Variants in PLEKHG1 observed in about 807,000 individuals in gnomAD.
PLEKHG1 encodes pleckstrin homology and RhoGEF domain containing G1, also known as pleckstrin homology domain-containing family G member 1.
PLEKHG1 carries 44 observed loss-of-function variants against 100.8 expected under a neutral mutation model. The ratio of observed to expected loss-of-function variants is 0.44; its 90% CI spans 0.34 to 0.56. The LOEUF (loss-of-function observed/expected upper bound fraction) is 0.56, where lower values mean the gene tolerates loss of function less well. Among genes scored for constraint, PLEKHG1 ranks in the 20% least tolerant of loss-of-function variants. The probability of loss-of-function intolerance (pLI) is 0.01; values close to 1 mark genes in which losing one functional copy is unlikely to be tolerated. For synonymous variants in PLEKHG1, 640 were observed against 662.5 expected, an observed-to-expected ratio of 0.97 and a Z score of 0.52; for missense variants, 1,545 against 1,720.9, an observed-to-expected ratio of 0.90 and a Z score of 1.81.
intron 3 of PLEKHG1, among the ~76,000 whole-genome samples, chr6:150,698,499 T>TATATATACAC (rs66635945): frequency 1.3e-5 from 2 of 151,788 alleles, no homozygotes; most frequent in Non-Finnish European, 2.9e-5. Context: ...ATACTATATA[T>TATATATACAC]ACACACACAC....
At chr6:150,786,626 G>A (rs1467469317) in intron 4 of PLEKHG1, among the ~76,000 whole-genome samples, 167 bp downstream of exon 5, 1 of 152,110 alleles carries the variant, frequency 6.6e-6, no homozygotes, top group African/African-American at 2.4e-5. Flanking sequence ...CTGGAGCCAG[G>A]GAGATGCTAA....
chr6:150,810,048 C>T (rs1787398254), intron 10 of PLEKHG1, among the ~76,000 whole-genome samples: 1 of 152,070 alleles, frequency 6.6e-6, no homozygotes, highest in African/African-American at 2.4e-5. Context: ...GTAATCCCAG[C>T]ACGTTGGGAG....
intron 3 of PLEKHG1, among the ~76,000 whole-genome samples, chr6:150,657,993 TAAG>T (rs896716535): frequency 2.6e-5 from 4 of 152,242 alleles, no homozygotes; most frequent in Non-Finnish European, 4.4e-5. Context: ...TCCCCAAGCT[TAAG>T]AAGTCAATAA....
At chr6:150,785,307 T>G (rs1785557626) in intron 3 of PLEKHG1, among the ~76,000 whole-genome samples, 1 of 152,184 alleles carries the variant, frequency 6.6e-6, no homozygotes, top group Non-Finnish European at 1.5e-5. Flanking sequence ...TTTTATTAAA[T>G]ATATAGCATA....
chr6:150,696,457 C>T (rs1275891949), intron 3 of PLEKHG1, among the ~76,000 whole-genome samples: 1 of 152,184 alleles, frequency 6.6e-6, no homozygotes, highest in Admixed American at 6.5e-5. Context: ...GCATTAAACA[C>T]TGTGAATATC....
chr6:150,701,832 A>T (rs1176444397), intron 3 of PLEKHG1, among the ~76,000 whole-genome samples: 1 of 152,108 alleles, frequency 6.6e-6, no homozygotes, highest in Admixed American at 6.5e-5. Context: ...GTCTATCCAT[A>T]ATAGGAAGTA....
intron 15 of PLEKHG1, among the ~76,000 whole-genome samples, chr6:150,838,035 C>T (rs1022751029): frequency 6.6e-6 from 1 of 152,076 alleles, no homozygotes; most frequent in African/African-American, 2.4e-5. Flanking sequence ...ATTGGGGTTG[C>T]AATTAAAGGT....
intron 1 of PLEKHG1, among the ~76,000 whole-genome samples, chr6:150,622,513 C>T (rs1211071825): frequency 3.3e-5 from 5 of 152,182 alleles, no homozygotes; most frequent in Non-Finnish European, 5.9e-5. Context: ...CCCCACCCTA[C>T]CACTGTTCTG....
At chr6:150,735,781 C>T (rs995695434) in intron 2 of PLEKHG1, among the ~76,000 whole-genome samples, 2 of 152,106 alleles carry the variant, frequency 1.3e-5, no homozygotes, top group African/African-American at 4.8e-5. Flanking sequence ...AACTAGTCTA[C>T]CTAATCTAAA....
chr6:150,781,378 G>A (rs1203877419), intron 3 of PLEKHG1, among the ~76,000 whole-genome samples: 1 of 151,512 alleles, frequency 6.6e-6, no homozygotes, highest in Non-Finnish European at 1.5e-5. Flanking sequence ...GGTGGCACAT[G>A]CCTGTAATCC....
chr6:150,805,795 G>A (rs2002561), intron 7 of PLEKHG1, among the ~76,000 whole-genome samples: 8,357 of 152,144 alleles, frequency 0.055, 397 homozygotes, highest in African/African-American at 0.13. Flanking sequence ...CCAAAGTGCT[G>A]GGATTACAGA....
At chr6:150,839,757 G>A in intron 15 of PLEKHG1, 76 bp from the exon 17 acceptor site, 2 of 935,952 alleles carry the variant, frequency 2.1e-6, no homozygotes, top group Non-Finnish European at 3.3e-6. Context: ...TGGTTAGAAT[G>A]TTATTCTCTT....
Position 150,600,064 on chromosome 6 carries a change from G to A in PLEKHG1, c.-204+47G>A. ...ACGCCCTGGGGACTTTTCCAGGGAT[G>A]GGAGGGGGGACCCGGGGACCTCCGG... On this transcript the variant is annotated intron_variant, in intron 1 of 3. Transcript: ENST00000367326. The surrounding 1 kb of genome is among the most constrained non-coding windows in gnomAD (Gnocchi z 6.2). 5.3e-6 allele frequency: 1 copy of A among 187,376 alleles called. No homozygotes were observed. Among genetic ancestry groups the A allele is most frequent in the South Asian group, 6.0e-5 (1 of 16,760 alleles). The allele number at this position is 187,376 out of a possible 1,614,324, so 11.6% of individuals were successfully genotyped here. A position where few individuals can be genotyped will look rare whatever the true frequency, so the allele number is the denominator to read the frequency against.
At chr6:150,699,440 A>G (rs1158212412) in intron 3 of PLEKHG1, among the ~76,000 whole-genome samples, 2 of 152,176 alleles carry the variant, frequency 1.3e-5, no homozygotes, top group Non-Finnish European at 2.9e-5. Flanking sequence ...GTGCTCCTTG[A>G]GTGCCATTGT....
At chr6:150,691,476 A>C (rs535290284) in intron 3 of PLEKHG1, among the ~76,000 whole-genome samples, 1 of 152,316 alleles carries the variant, frequency 6.6e-6, no homozygotes, top group East Asian at 1.9e-4. Context: ...CAGATACTTA[A>C]GTTATTATTG....
At chr6:150,736,537 G>C (rs1782571414) in intron 2 of PLEKHG1, among the ~76,000 whole-genome samples, 1 of 152,224 alleles carries the variant, frequency 6.6e-6, no homozygotes, top group East Asian at 1.9e-4. Flanking sequence ...GGGAGGCCGA[G>C]GCGGGCGGAT....
intron 10 of PLEKHG1, among the ~76,000 whole-genome samples, chr6:150,811,592 T>G (rs1179590623): frequency 5.0e-5 from 7 of 141,398 alleles, no homozygotes; most frequent in East Asian, 2.1e-4. Context: ...TTTTATTAAG[T>G]GGGAAAAAAG....
At chr6:150,686,505 G>T (rs948263991) in intron 3 of PLEKHG1, among the ~76,000 whole-genome samples, 2 of 152,130 alleles carry the variant, frequency 1.3e-5, no homozygotes, top group African/African-American at 4.8e-5. Context: ...ATTTTTGCTT[G>T]TTGAAAAATT....
At chr6:150,799,303 C>G (rs1300157378) in intron 5 of PLEKHG1, among the ~76,000 whole-genome samples, 1 of 152,162 alleles carries the variant, frequency 6.6e-6, no homozygotes, top group Non-Finnish European at 1.5e-5. Context: ...TTTCCTTCCC[C>G]CTTTGGATCC....
Sources: allele counts gnomAD v4.1 joint callset (sites outside exome capture counted in the v4.1 genomes callset), GRCh38; gene constraint gnomAD v4.1.1; non-coding constraint Gnocchi (gnomAD v3.1); transcripts MANE v1.5; gene names NCBI Gene and HGNC (gene_info 2026-07-23, HGNC 2026-07-21).